Variants in CSMD3 observed in about 807,000 individuals in gnomAD.
CSMD3 encodes CUB and sushi domain-containing protein 3.
A neutral mutation model predicts 435.2 loss-of-function variants in CSMD3; 177 were observed. That is an observed-to-expected ratio of 0.41 (90% CI 0.36 to 0.46). The LOEUF is 0.46. Among genes scored for constraint, CSMD3 ranks in the 20% least tolerant of loss-of-function variants. The pLI is 0.34. For missense variants in CSMD3, 4,265 were observed against 4,504.6 expected, an observed-to-expected ratio of 0.95 and a Z score of 1.52; for synonymous variants, 1,656 against 1,520.5, an observed-to-expected ratio of 1.09 and a Z score of -2.07.
chr8:113,097,937 T>G (rs185147618), intron 5 of CSMD3, among the ~76,000 whole-genome samples: 1 of 152,036 alleles, frequency 6.6e-6, no homozygotes, highest in Non-Finnish European at 1.5e-5. Flanking sequence ...ACCTCATTAA[T>G]ATGACTCTAA....
intron 12 of CSMD3, among the ~76,000 whole-genome samples, chr8:112,820,024 C>T (rs962690641): frequency 1.5e-4 from 23 of 152,148 alleles, no homozygotes; most frequent in East Asian, 3.9e-4. Flanking sequence ...AAATTAGTTG[C>T]GGTCTTATTT....
At chr8:112,793,360 CAT>C (rs2078743348) in intron 13 of CSMD3, among the ~76,000 whole-genome samples, 1 of 151,458 alleles carries the variant, frequency 6.6e-6, no homozygotes. Context: ...AATTAACTCA[CAT>C]ATAACTGTTC....
At chr8:112,694,403 A>G (rs1302921391) in intron 13 of CSMD3, among the ~76,000 whole-genome samples, 1 of 152,136 alleles carries the variant, frequency 6.6e-6, no homozygotes, top group African/African-American at 2.4e-5. Context: ...CCTCAAAACA[A>G]TTGTAAATGT....
chr8:113,120,069 C>T (rs2131631497), intron 4 of CSMD3, among the ~76,000 whole-genome samples: 1 of 151,974 alleles, frequency 6.6e-6, no homozygotes, highest in South Asian at 2.1e-4. Context: ...CCTAAAAATA[C>T]AATGTAAAAT....
At chr8:112,783,412 A>AG (rs1563956600) in intron 13 of CSMD3, among the ~76,000 whole-genome samples, 3 of 78,848 alleles carry the variant, frequency 3.8e-5, no homozygotes, top group African/African-American at 5.7e-5. Context: ...GAAGGAAGGA[A>AG]GGAGGGAGGG....
At chr8:113,336,431 A>T (rs986813386) in intron 1 of CSMD3, among the ~76,000 whole-genome samples, 1 of 152,056 alleles carries the variant, frequency 6.6e-6, no homozygotes, top group Non-Finnish European at 1.5e-5. Context: ...TAGGGTTGGC[A>T]TCCAATTTGT....
In CSMD3 at chr8:112,573,503, G is replaced by A. The variant is rs1255410726; in HGVS notation, c.4040C>T (p.Thr1347Ile). The A allele has an allele frequency of 1.2e-6, 2 of 1,612,376 alleles. 1 individual carries two copies. Among genetic ancestry groups the A allele is most frequent in the South Asian group, 2.2e-5 (2 of 91,060 alleles). Reference sequence around the variant, plus strand: ...TTTTACTCTTCTAAAATACTTACTGGTATACACAAGTTGAAAGCCTTCATC... The same window carrying A: ...TTTTACTCTTCTAAAATACTTACTGATATACACAAGTTGAAAGCCTTCATC... ...GTDEGFQLVY[T>I]SFELSHCEDP... Residue 1347 changes from threonine (T) to isoleucine (I), a missense_variant and splice_region_variant, in exon 24 of 71, where the codon ACC (threonine) becomes ATC (isoleucine). Thr to Ile is a moderately conservative substitution (Grantham distance 89). Coordinates refer to ENST00000297405, the MANE Select transcript of CSMD3 (RefSeq NM_198123.2).
chr8:112,295,679 A>G (rs2130711599), intron 54 of CSMD3, among the ~76,000 whole-genome samples, 154 bp downstream of exon 54: 1 of 152,072 alleles, frequency 6.6e-6, no homozygotes, highest in East Asian at 1.9e-4. Context: ...TTCCACTTTA[A>G]AGACTTTTGC....
At chr8:112,241,231 T>C (rs1167595216) in intron 66 of CSMD3, among the ~76,000 whole-genome samples, 2 of 152,060 alleles carry the variant, frequency 1.3e-5, no homozygotes, top group African/African-American at 2.4e-5. Context: ...TAAAATGAGA[T>C]ACATCAAGGT....
At chr8:113,433,069 G>A (rs982644367) in intron 1 of CSMD3, among the ~76,000 whole-genome samples, 2 of 152,170 alleles carry the variant, frequency 1.3e-5, no homozygotes, top group Non-Finnish European at 2.9e-5. Context: ...ATGTAAGGGA[G>A]GGGCGCCTGT....
intron 13 of CSMD3, among the ~76,000 whole-genome samples, chr8:112,793,787 T>C (rs769989512): frequency 3.9e-5 from 6 of 152,114 alleles, no homozygotes; most frequent in Non-Finnish European, 7.4e-5. Flanking sequence ...AACTCAGTGA[T>C]TGGTAAAAGA....
intron 3 of CSMD3, among the ~76,000 whole-genome samples, chr8:113,238,291 A>T (rs1364275939): frequency 2.0e-5 from 3 of 152,144 alleles, no homozygotes; most frequent in African/African-American, 7.2e-5. Context: ...CTTATGAATG[A>T]AAGGTGCAGT....
At chr8:112,371,547 T>C (rs1164116747) in intron 38 of CSMD3, among the ~76,000 whole-genome samples, 1 of 151,964 alleles carries the variant, frequency 6.6e-6, no homozygotes, top group Non-Finnish European at 1.5e-5. Context: ...TTAAGTAAAA[T>C]AGGAATTATG....
At chr8:113,208,529 C>T (rs542638707) in intron 3 of CSMD3, among the ~76,000 whole-genome samples, 1 of 152,140 alleles carries the variant, frequency 6.6e-6, no homozygotes, top group South Asian at 2.1e-4. Context: ...AATGTATTCC[C>T]ACAATGTTTC....
At chr8:112,409,150 A>G in intron 32 of CSMD3, 118 bp from the exon 33 acceptor site, 1 of 1,525,764 alleles carries the variant, frequency 6.6e-7, no homozygotes, top group East Asian at 2.4e-5. Context: ...TATAATAGTC[A>G]TTTTTTTTCT....
At chr8:112,616,088 C>A (rs1487246927) in intron 22 of CSMD3, among the ~76,000 whole-genome samples, 1 of 152,012 alleles carries the variant, frequency 6.6e-6, no homozygotes, top group Non-Finnish European at 1.5e-5. Flanking sequence ...AGTCAGAATA[C>A]CTGAGTCCTC....
chr8:112,983,135 G>A (rs994280532), intron 6 of CSMD3, among the ~76,000 whole-genome samples: 3 of 151,798 alleles, frequency 2.0e-5, no homozygotes, highest in African/African-American at 2.4e-5. Context: ...AAAGAGAAAG[G>A]AGAAAAGTAA....
intron 23 of CSMD3, among the ~76,000 whole-genome samples, chr8:112,580,588 C>A (rs558136117): frequency 2.0e-5 from 3 of 150,954 alleles, no homozygotes; most frequent in South Asian, 4.2e-4. Context: ...TGATCCTGAG[C>A]CAGCCACATG....
At chr8:112,819,462 G>A (rs2079469167) in intron 12 of CSMD3, among the ~76,000 whole-genome samples, 1 of 152,120 alleles carries the variant, frequency 6.6e-6, no homozygotes, top group African/African-American at 2.4e-5. Context: ...ATAAATCCAG[G>A]TAATTCTGCT....
Sources: gnomAD v4.1 joint callset for allele counts (sites outside exome capture counted in the v4.1 genomes callset) on GRCh38, gnomAD v4.1.1 for gene constraint, MANE v1.5 for transcripts, NCBI Gene and HGNC (gene_info 2026-07-23, HGNC 2026-07-21) for gene names.